Variants in FARS2 observed in about 807,000 individuals in gnomAD.
FARS2 encodes the protein phenylalanine--tRNA ligase, mitochondrial.
FARS2 carries 40 observed loss-of-function variants against 46.4 expected under a neutral mutation model. The observed-to-expected ratio is 0.86, with a 90% confidence interval of 0.67 to 1.12. The LOEUF (loss-of-function observed/expected upper bound fraction) is 1.12. Ranked by LOEUF, FARS2 falls within the 50% of genes most tolerant of loss-of-function variation. The probability of loss-of-function intolerance (pLI) is 0.00; values close to 1 mark genes in which losing one functional copy is unlikely to be tolerated. For synonymous variants in FARS2, 234 were observed against 214.9 expected (o/e 1.09, Z -0.78); for missense variants, 513 against 567.9 (o/e 0.90, Z 0.98).
chr6:5,604,328 C>T (rs1008121924), intron 5 of FARS2, among the ~76,000 whole-genome samples: 2 of 152,164 alleles, frequency 1.3e-5, no homozygotes, highest in Non-Finnish European at 2.9e-5. Context: ...ATTCTTATGT[C>T]GACTGGTTGC....
At chr6:5,685,516 C>T (rs1757131931) in intron 6 of FARS2, among the ~76,000 whole-genome samples, 1 of 152,196 alleles carries the variant, frequency 6.6e-6, no homozygotes, top group Non-Finnish European at 1.5e-5. Context: ...CACTGTGTGA[C>T]TGCAGTGAAT....
At chr6:5,474,877 C>T (rs2150329177) in intron 4 of FARS2, among the ~76,000 whole-genome samples, 2 of 152,140 alleles carry the variant, frequency 1.3e-5, no homozygotes, top group South Asian at 2.1e-4. Flanking sequence ...CCAGGCTGGT[C>T]TTGAACTCCT....
intron 6 of FARS2, among the ~76,000 whole-genome samples, chr6:5,683,379 G>A (rs1214589017): frequency 6.6e-6 from 1 of 152,238 alleles, no homozygotes; most frequent in Admixed American, 6.5e-5. Context: ...GGAGGAAGAA[G>A]GAATAGGTTT....
intron 6 of FARS2, among the ~76,000 whole-genome samples, chr6:5,667,325 C>T (rs1214140865): frequency 6.6e-6 from 1 of 151,950 alleles, no homozygotes; most frequent in Admixed American, 6.6e-5. Context: ...CGAGACCAGC[C>T]TGGCCAATAT....
intron 5 of FARS2, among the ~76,000 whole-genome samples, chr6:5,571,777 A>C (rs77236516): frequency 0.032 from 4,915 of 152,024 alleles, 120 homozygotes; most frequent in Non-Finnish European, 0.048. Context: ...ATCCCCTCTC[A>C]TCCCACGATC....
intron 4 of FARS2, among the ~76,000 whole-genome samples, chr6:5,517,297 G>C (rs1489402993): frequency 1.3e-5 from 2 of 152,162 alleles, no homozygotes; most frequent in East Asian, 3.9e-4. Flanking sequence ...TGTTCCAACA[G>C]ATATGTGCTT....
chr6:5,338,689 T>C (rs1249199510), intron 1 of FARS2, among the ~76,000 whole-genome samples: 1 of 152,056 alleles, frequency 6.6e-6, no homozygotes, highest in East Asian at 1.9e-4. Context: ...TGGCATTTAG[T>C]AGTCTGTAGC....
chr6:5,532,510 G>C (rs926056196), intron 4 of FARS2, among the ~76,000 whole-genome samples: 2 of 152,204 alleles, frequency 1.3e-5, no homozygotes, highest in African/African-American at 4.8e-5. Context: ...CCAGCACTTT[G>C]GGAGGCCGAG....
At chr6:5,585,529 A>C (rs1293875837) in intron 5 of FARS2, among the ~76,000 whole-genome samples, 1 of 151,308 alleles carries the variant, frequency 6.6e-6, no homozygotes, top group Non-Finnish European at 1.5e-5. Flanking sequence ...CAGTTAGTTC[A>C]ACTTTTTAAA....
intron 6 of FARS2, among the ~76,000 whole-genome samples, chr6:5,615,446 A>G (rs181120619): frequency 6.6e-6 from 1 of 152,244 alleles, no homozygotes; most frequent in Admixed American, 6.5e-5. Flanking sequence ...GCAAGCTCAC[A>G]TTTTAGCTCC....
intron 4 of FARS2, among the ~76,000 whole-genome samples, chr6:5,538,645 A>G (rs1367004965): frequency 1.3e-5 from 2 of 152,176 alleles, no homozygotes; most frequent in African/African-American, 4.8e-5. Flanking sequence ...GAAGCCTCCT[A>G]CAGAAAACTA....
chr6:5,607,682 GC>G (rs1237618202), intron 5 of FARS2, among the ~76,000 whole-genome samples: 3 of 152,076 alleles, frequency 2.0e-5, no homozygotes, highest in Admixed American at 2.0e-4. Context: ...CTGAGGTCAT[GC>G]CCCCTCCTCG....
intron 5 of FARS2, among the ~76,000 whole-genome samples, chr6:5,552,552 GTGCTAGCAACAGTCTCTGAT>G (rs1412812496): frequency 1.3e-5 from 2 of 152,182 alleles, no homozygotes; most frequent in Non-Finnish European, 2.9e-5. Flanking sequence ...ACTCTCCTGG[GTGCTAGCAACAGTCTCTGAT>G]TGATGGGACC....
rs189084218 is a variant in FARS2 at position 5,512,118 on chromosome 6, T to C, written c.905-33062T>C. On this transcript the variant is annotated intron_variant, in intron 4 of 6. Transcript: ENST00000274680. The stretch of plus-strand genomic sequence containing the variant: ...ACAAGAGATGATAAGAATGGGATGT[T>C]AGTCAGCACTCTTTTAGTTCCAAGA... Among the ~76,000 whole-genome samples, 479 of 152,330 alleles carry C rather than the reference T, an allele frequency of 3.1e-3. 1 individual carries two copies. The highest frequency in any genetic ancestry group is 7.9e-3 in the South Asian group (38 of 4,832).
At chr6:5,598,773 G>A (rs1019471265) in intron 5 of FARS2, among the ~76,000 whole-genome samples, 1 of 152,182 alleles carries the variant, frequency 6.6e-6, no homozygotes, top group East Asian at 1.9e-4. Flanking sequence ...CATGGGGGTA[G>A]GGGTAGGGTG....
intron 1 of FARS2, among the ~76,000 whole-genome samples, chr6:5,274,544 C>G (rs115196472): frequency 0.021 from 3,125 of 152,296 alleles, 106 homozygotes; most frequent in African/African-American, 0.072. Context: ...AGCAGACACA[C>G]ATGAAGGAAA....
chr6:5,771,555 A>C lies in FARS2; in HGVS notation c.*126A>C, dbSNP rs1157127070. ...TAAATGGATCAGTTTTAGGACTTTC[A>C]GAAAATAAAAGATCGCTCTTGAAAA... On this transcript the variant is annotated 3_prime_UTR_variant, in exon 7 of 7. Coordinates refer to ENST00000274680, the MANE Select transcript of FARS2 (RefSeq NM_006567.5). The C allele has an allele frequency of 1.4e-5, 14 of 989,344 alleles. No individual in the cohort carries two copies. Among genetic ancestry groups the C allele is most frequent in the Non-Finnish European group, 2.1e-5 (14 of 682,862 alleles). 61.3% of individuals were successfully genotyped at this position (989,344 alleles called of 1,614,324 possible).
At chr6:5,568,268 C>T (rs980602508) in intron 5 of FARS2, among the ~76,000 whole-genome samples, 3 of 152,156 alleles carry the variant, frequency 2.0e-5, no homozygotes, top group Non-Finnish European at 4.4e-5. Context: ...TCCCAGGCTG[C>T]ATAAATCCAC....
intron 5 of FARS2, among the ~76,000 whole-genome samples, chr6:5,578,043 C>T (rs555471121): frequency 4.6e-5 from 7 of 152,186 alleles, no homozygotes; most frequent in East Asian, 3.9e-4. Flanking sequence ...CCTCGTGATC[C>T]GCCCATCTCG....
Sources: allele counts gnomAD v4.1 joint callset (sites outside exome capture counted in the v4.1 genomes callset), GRCh38; gene constraint gnomAD v4.1.1; transcripts MANE v1.5; gene names NCBI Gene and HGNC (gene_info 2026-07-23, HGNC 2026-07-21).